Variants in USP8 observed in about 807,000 individuals in gnomAD.
USP8 encodes the protein ubiquitin carboxyl-terminal hydrolase 8.
A neutral mutation model predicts 130.0 loss-of-function variants in USP8; 27 were observed. That is an observed-to-expected ratio of 0.21 (90% CI 0.15 to 0.29). The LOEUF is 0.29. USP8 is among the 10% of genes least tolerant of loss of function. The pLI is 1.00. For missense variants in USP8, 1,029 were observed against 1,312.2 expected (o/e 0.78, Z 3.33); for synonymous variants, 392 against 444.1 (o/e 0.88, Z 1.48).
chr15:50,469,553 G>A (rs1393888271), intron 7 of USP8, among the ~76,000 whole-genome samples: 2 of 152,050 alleles, frequency 1.3e-5, no homozygotes, highest in Non-Finnish European at 2.9e-5. Flanking sequence ...CATCAGGAGA[G>A]GATATTAGTA....
chr15:50,481,084 G>T (rs1004934177), intron 10 of USP8, among the ~76,000 whole-genome samples: 1 of 152,070 alleles, frequency 6.6e-6, no homozygotes, highest in African/African-American at 2.4e-5. Context: ...TCGTGAATCC[G>T]TTTTGGCTGT....
intron 5 of USP8, among the ~76,000 whole-genome samples, chr15:50,460,534 C>G (rs148574676): frequency 0.03 from 4,519 of 151,996 alleles, 230 homozygotes; most frequent in African/African-American, 0.1. Context: ...TTCTTGAACT[C>G]CTGACCTCAA....
chr15:50,454,977 G>T (rs761480788), intron 4 of USP8, among the ~76,000 whole-genome samples: 1 of 143,126 alleles, frequency 7.0e-6, no homozygotes, highest in Non-Finnish European at 1.6e-5. Context: ...GTCTTTCTGT[G>T]TTGCCCAGGA....
At chr15:50,450,563 T>C (rs2050599337) in intron 4 of USP8, among the ~76,000 whole-genome samples, 1 of 146,110 alleles carries the variant, frequency 6.8e-6, no homozygotes, top group Admixed American at 7.1e-5. Context: ...CATTTGCCTC[T>C]CAGGTTCAAG....
At chr15:50,483,545 A>G (rs985409285) in intron 11 of USP8, among the ~76,000 whole-genome samples, 2 of 152,258 alleles carry the variant, frequency 1.3e-5, no homozygotes, top group African/African-American at 2.4e-5. Context: ...CTATAATCCC[A>G]GCACTTTGGG....
intron 1 of USP8, among the ~76,000 whole-genome samples, chr15:50,436,571 T>C (rs545271089): frequency 6.6e-6 from 1 of 152,296 alleles, no homozygotes; most frequent in East Asian, 1.9e-4. Context: ...CGATCTCGGC[T>C]CACTGCAACC....
chr15:50,490,019 C>T (rs1424305006), intron 13 of USP8, 138 bp downstream of exon 13: 13 of 872,216 alleles, frequency 1.5e-5, no homozygotes, highest in African/African-American at 6.8e-5. Flanking sequence ...CTAATTATAA[C>T]AGGGTGAGAT....
chr15:50,445,963 T>C (rs1224080343), intron 3 of USP8, among the ~76,000 whole-genome samples: 2 of 152,136 alleles, frequency 1.3e-5, no homozygotes, highest in African/African-American at 4.8e-5. Flanking sequence ...AGTCATCTTA[T>C]GAATAATTCT....
At chr15:50,473,796 G>T (rs1028951336) in intron 8 of USP8, among the ~76,000 whole-genome samples, 1 of 151,122 alleles carries the variant, frequency 6.6e-6, no homozygotes, top group Admixed American at 6.6e-5. Context: ...ACTGTGTTGG[G>T]CATCTAAGTA....
At position 50,508,072 on chromosome 15, in the gene USP8, A is replaced by C. The variant is rs1433132085; in HGVS notation, c.*8984A>C. On this transcript the variant is annotated 3_prime_UTR_variant, in exon 20 of 20. Transcript: ENST00000307179. The stretch of plus-strand genomic sequence containing the variant: ...GCGACAGTGCAAGACTCTGTCTCAA[A>C]AAAAAAAAAAAAAAAAAAAAAAGAT... 7 of 44,838 alleles carry C rather than the reference A, an allele frequency of 1.6e-4. No homozygotes were observed. The Admixed American group carries it at 2.1e-3, about 14-fold the overall frequency. 2.8% of individuals were successfully genotyped at this position (44,838 alleles called of 1,614,324 possible).
At chr15:50,463,677 T>C (rs2051088745) in intron 6 of USP8, among the ~76,000 whole-genome samples, 1 of 152,232 alleles carries the variant, frequency 6.6e-6, no homozygotes, top group Non-Finnish European at 1.5e-5. Context: ...ACAACTTTTT[T>C]AGTCTGTTTT....
At chr15:50,474,285 G>A (rs1323576484) in intron 8 of USP8, among the ~76,000 whole-genome samples, 1 of 152,148 alleles carries the variant, frequency 6.6e-6, no homozygotes, top group Non-Finnish European at 1.5e-5. Context: ...TTACAGGTGT[G>A]AGCCACCACA....
intron 1 of USP8, among the ~76,000 whole-genome samples, chr15:50,426,411 T>G (rs2049726104): frequency 6.6e-6 from 1 of 152,218 alleles, no homozygotes; most frequent in Non-Finnish European, 1.5e-5. Flanking sequence ...CAAAACATAG[T>G]GACTTAAAAC....
chr15:50,496,352 G>A (rs1015804240), intron 17 of USP8, among the ~76,000 whole-genome samples: 1 of 151,958 alleles, frequency 6.6e-6, no homozygotes, highest in Non-Finnish European at 1.5e-5. Flanking sequence ...GTGGTGGTGG[G>A]CACCTGTAGT....
chr15:50,481,461 C>G lies in USP8; in HGVS notation c.1219-20C>G, dbSNP rs1459873852. The G allele has an allele frequency of 4.0e-6, 6 of 1,490,224 alleles. No individual in the cohort carries two copies. Among genetic ancestry groups the G allele is most frequent in the Non-Finnish European group, 5.4e-6 (6 of 1,120,244 alleles). 92.3% of individuals were successfully genotyped at this position (1,490,224 alleles called of 1,614,324 possible). On this transcript the variant is annotated intron_variant, in intron 10 of 19. Coordinates refer to ENST00000307179, the MANE Select transcript of USP8 (RefSeq NM_005154.5). Reference sequence around the variant, plus strand: ...CCTGATTTTTGACAAAAATGTTTTGCTCTGGTTTTGTTGCTCTAGATTGAT... The same window carrying G: ...CCTGATTTTTGACAAAAATGTTTTGGTCTGGTTTTGTTGCTCTAGATTGAT...
intron 7 of USP8, among the ~76,000 whole-genome samples, chr15:50,466,403 A>G (rs1595943689): frequency 6.6e-6 from 1 of 152,146 alleles, no homozygotes; most frequent in East Asian, 1.9e-4. Flanking sequence ...GTTCCAGACC[A>G]GCCTGGCCAA....
At chr15:50,492,185 T>C (rs2052200685) in intron 14 of USP8, among the ~76,000 whole-genome samples, 1 of 152,176 alleles carries the variant, frequency 6.6e-6, no homozygotes, top group African/African-American at 2.4e-5. Context: ...ACTGTGATTG[T>C]GTATCCATCC....
chr15:50,492,462 C>T (rs1376441268), intron 14 of USP8, among the ~76,000 whole-genome samples: 1 of 152,076 alleles, frequency 6.6e-6, no homozygotes, highest in Non-Finnish European at 1.5e-5. Context: ...AGAACCATGA[C>T]CCACATTAAG....
chr15:50,438,940 T>C, intron 1 of USP8, 69 bp from the exon 2 acceptor site: 1 of 611,120 alleles, frequency 1.6e-6, no homozygotes, highest in East Asian at 3.1e-5. Flanking sequence ...AGGAATTTTT[T>C]TTTTTAAACT....
Sources: allele counts gnomAD v4.1 joint callset (sites outside exome capture counted in the v4.1 genomes callset), GRCh38; gene constraint gnomAD v4.1.1; transcripts MANE v1.5; gene names NCBI Gene and HGNC (gene_info 2026-07-23, HGNC 2026-07-21).